DLG2: variants seen among roughly 807,000 people sequenced by gnomAD.
DLG2 encodes the protein discs large MAGUK scaffold protein 2.
Under a neutral mutation model 132.5 loss-of-function variants are expected in DLG2, and 45 were observed. The ratio of observed to expected loss-of-function variants is 0.34; its 90% CI spans 0.27 to 0.44. The LOEUF (loss-of-function observed/expected upper bound fraction) is 0.44, where lower values mean the gene tolerates loss of function less well. Ranked by LOEUF, DLG2 falls within the 20% of genes least tolerant of loss-of-function variation. DLG2 has a pLI of 1.00. For synonymous variants in DLG2, 424 were observed against 419.6 expected (o/e 1.01, Z -0.13); for missense variants, 1,045 against 1,196.9 (o/e 0.87, Z 1.87).
chr11:84,413,774 T>C (rs1240717658), intron 7 of DLG2, among the ~76,000 whole-genome samples: 1 of 152,206 alleles, frequency 6.6e-6, no homozygotes, highest in South Asian at 2.1e-4. Flanking sequence ...GGCAGCTCAG[T>C]GAACCTTTCC....
intron 16 of DLG2, among the ~76,000 whole-genome samples, chr11:83,863,353 C>T (rs1194418718): frequency 6.6e-6 from 1 of 152,118 alleles, no homozygotes; most frequent in East Asian, 1.9e-4. Flanking sequence ...ATGTCTCTTT[C>T]TAAATGAGGC....
At chr11:84,377,045 G>T (rs1487127025) in intron 7 of DLG2, among the ~76,000 whole-genome samples, 3 of 151,986 alleles carry the variant, frequency 2.0e-5, no homozygotes, top group African/African-American at 7.2e-5. Context: ...CTGTACCAAT[G>T]ATAAATTTCA....
At chr11:84,588,142 C>A (rs2099534161) in intron 6 of DLG2, among the ~76,000 whole-genome samples, 1 of 152,266 alleles carries the variant, frequency 6.6e-6, no homozygotes, top group South Asian at 2.1e-4. Context: ...CTAAATATGC[C>A]TCACTATTCT....
At chr11:84,140,362 T>C (rs749654447) in intron 9 of DLG2, among the ~76,000 whole-genome samples, 4 of 152,156 alleles carry the variant, frequency 2.6e-5, no homozygotes, top group Non-Finnish European at 4.4e-5. Flanking sequence ...ATATGAAATA[T>C]GAGATGTATC....
At chr11:83,574,365 C>G (rs1007991042) in intron 19 of DLG2, among the ~76,000 whole-genome samples, 16 of 152,160 alleles carry the variant, frequency 1.1e-4, no homozygotes, top group Admixed American at 4.6e-4. Flanking sequence ...CTAAACTTAT[C>G]CCAAGTATAT....
intron 6 of DLG2, among the ~76,000 whole-genome samples, chr11:84,899,460 G>A (rs1352409926): frequency 6.6e-6 from 1 of 151,960 alleles, no homozygotes; most frequent in African/African-American, 2.4e-5. Context: ...AGCAATTACT[G>A]GGGCCCAAGG....
intron 6 of DLG2, among the ~76,000 whole-genome samples, chr11:84,970,942 T>A (rs1343475400): frequency 2.0e-5 from 3 of 152,174 alleles, no homozygotes; most frequent in Admixed American, 6.5e-5. Context: ...CTATTTTCAA[T>A]ACTTATTGAA....
chr11:84,634,250 A>G (rs1404353636), intron 6 of DLG2, among the ~76,000 whole-genome samples: 4 of 152,146 alleles, frequency 2.6e-5, no homozygotes, highest in Non-Finnish European at 2.9e-5. Flanking sequence ...TCTCCTTTTT[A>G]GTTCAAAAGT....
At chr11:84,525,554 T>C (rs1329365013) in intron 7 of DLG2, among the ~76,000 whole-genome samples, 1 of 152,210 alleles carries the variant, frequency 6.6e-6, no homozygotes, top group Non-Finnish European at 1.5e-5. Context: ...TCAAAGCTTA[T>C]CTATCTTTTA....
chr11:84,307,073 C>T (rs898898781), intron 7 of DLG2, among the ~76,000 whole-genome samples: 5 of 152,064 alleles, frequency 3.3e-5, no homozygotes. Context: ...GCACTTTTCA[C>T]AATAGCAAAG....
chr11:83,911,335 T>C (rs2076004448), intron 15 of DLG2, among the ~76,000 whole-genome samples: 1 of 152,176 alleles, frequency 6.6e-6, no homozygotes, highest in Non-Finnish European at 1.5e-5. Flanking sequence ...TATCATTCTA[T>C]ATTGCTTTTA....
chr11:85,463,699 A>C (rs141294127), intron 3 of DLG2, among the ~76,000 whole-genome samples: 36 of 152,282 alleles, frequency 2.4e-4, no homozygotes, highest in Middle Eastern at 3.4e-3. Context: ...TGAGCCCAGG[A>C]GTTCAAGGCT....
chr11:84,041,211 T>C (rs548330625), intron 11 of DLG2, among the ~76,000 whole-genome samples: 1 of 152,134 alleles, frequency 6.6e-6, no homozygotes, highest in South Asian at 2.1e-4. Flanking sequence ...TTTTGTCATT[T>C]AGATTTTTTT....
At chr11:85,320,179 G>C (rs950641688) in intron 3 of DLG2, among the ~76,000 whole-genome samples, 1 of 151,882 alleles carries the variant, frequency 6.6e-6, no homozygotes, top group African/African-American at 2.4e-5. Context: ...ATTGGTGAAA[G>C]GAGTGAAAGC....
chr11:84,385,565 G>A (rs1258859445), intron 7 of DLG2, among the ~76,000 whole-genome samples: 2 of 152,044 alleles, frequency 1.3e-5, no homozygotes, highest in Non-Finnish European at 2.9e-5. Context: ...TGCATAAGGT[G>A]GTGCCTCCTT....
At chr11:83,512,058 C>T (rs2095057123) in intron 21 of DLG2, among the ~76,000 whole-genome samples, 1 of 152,108 alleles carries the variant, frequency 6.6e-6, no homozygotes, top group Admixed American at 6.6e-5. Context: ...CGGAGGGAGC[C>T]AGGGGAAGCT....
At chr11:84,698,598 T>C (rs1275768921) in intron 6 of DLG2, among the ~76,000 whole-genome samples, 4 of 151,644 alleles carry the variant, frequency 2.6e-5, no homozygotes, top group Admixed American at 2.0e-4. Flanking sequence ...TAAGTGCATA[T>C]ACTTCGTTCT....
intron 4 of DLG2, among the ~76,000 whole-genome samples, chr11:85,246,734 C>A (rs544932031): frequency 1.3e-5 from 2 of 152,000 alleles, no homozygotes; most frequent in South Asian, 2.1e-4. Context: ...GCATAATTAT[C>A]CTGTAGTTGT....
At chr11:84,325,908 A>G (rs1163898816) in intron 7 of DLG2, among the ~76,000 whole-genome samples, 1 of 152,008 alleles carries the variant, frequency 6.6e-6, no homozygotes, top group Non-Finnish European at 1.5e-5. Context: ...GCTTTTGATT[A>G]CTAATTTAAT....
Sources: allele counts gnomAD v4.1 joint callset (sites outside exome capture counted in the v4.1 genomes callset), GRCh38; gene constraint gnomAD v4.1.1; transcripts MANE v1.5; gene names NCBI Gene and HGNC (gene_info 2026-07-23, HGNC 2026-07-21).